NDC1: variants seen among roughly 807,000 people sequenced by gnomAD.
NDC1 encodes nucleoporin NDC1.
Under a neutral mutation model 89.8 loss-of-function variants are expected in NDC1, and 24 were observed. The observed-to-expected ratio is 0.27, with a 90% confidence interval of 0.19 to 0.38. The LOEUF is 0.38. Among genes scored for constraint, NDC1 ranks in the 10% least tolerant of loss-of-function variants. NDC1 has a pLI of 1.00. For synonymous variants in NDC1, 296 were observed against 284.8 expected (o/e 1.04, Z -0.39); for missense variants, 728 against 797.6 (o/e 0.91, Z 1.05).
At position 53,772,483 on chromosome 1, in the gene NDC1, C is replaced by T. The variant is rs1207224755; in HGVS notation, c.1807G>A (p.Asp603Asn). 4 of 1,612,318 alleles carry T rather than the reference C, an allele frequency of 2.5e-6. No individual in the cohort carries two copies. Among genetic ancestry groups the T allele is most frequent in the South Asian group, 2.2e-5 (2 of 90,822 alleles). ...GCATGAGGAAGCTTAAAGTACTTGTCGACTGCCTACACCAAGAAAGAAAAC... is the reference window on the plus strand; with the variant it reads ...GCATGAGGAAGCTTAAAGTACTTGTTGACTGCCTACACCAAGAAAGAAAAC... ...NTLLTLQEAV[D>N]KYFKLPHASS... The change falls in exon 17 of 18, where the codon GAC (aspartate) becomes AAC (asparagine). Residue 603 changes from aspartate to asparagine, a missense_variant. Coordinates refer to ENST00000371429, the MANE Select transcript of NDC1 (RefSeq NM_018087.5).
chr1:53,789,875 G>A (rs1647429375), intron 14 of NDC1, among the ~76,000 whole-genome samples: 1 of 151,638 alleles, frequency 6.6e-6, no homozygotes, highest in African/African-American at 2.4e-5. Context: ...AGGCCGAGGT[G>A]GGTAGATCAT....
chr1:53,826,122 G>A (rs1177305793), intron 4 of NDC1, among the ~76,000 whole-genome samples, 186 bp from the exon 5 acceptor site: 1 of 152,164 alleles, frequency 6.6e-6, no homozygotes, highest in Non-Finnish European at 1.5e-5. Context: ...CCTGAATCAT[G>A]AGACTCTGAT....
intron 1 of NDC1, among the ~76,000 whole-genome samples, chr1:53,837,211 G>C (rs1416639653): frequency 6.6e-6 from 1 of 152,168 alleles, no homozygotes; most frequent in Non-Finnish European, 1.5e-5. Flanking sequence ...AGGAGGACTA[G>C]TTGAGCCCAG....
At chr1:53,793,395 T>A (rs1647585613) in intron 13 of NDC1, 116 bp from the exon 14 acceptor site, 1 of 798,990 alleles carries the variant, frequency 1.3e-6, no homozygotes, top group Admixed American at 2.2e-5. Flanking sequence ...ACACTTCACA[T>A]CTTGTGGGCA....
chr1:53,786,525 T>C (rs1181183), intron 16 of NDC1, among the ~76,000 whole-genome samples: 36,922 of 152,176 alleles, frequency 0.24, 5,212 homozygotes, highest in African/African-American at 0.39. Flanking sequence ...AGGTCACTTT[T>C]GGTAGCTACA....
chr1:53,805,430 T>C (rs1648068458), intron 9 of NDC1, among the ~76,000 whole-genome samples: 5 of 152,214 alleles, frequency 3.3e-5, no homozygotes, highest in Admixed American at 3.3e-4. Flanking sequence ...GGTCTTGAAC[T>C]CCTGGGCTCA....
chr1:53,783,428 G>A (rs1432818897), intron 16 of NDC1, among the ~76,000 whole-genome samples: 1 of 152,178 alleles, frequency 6.6e-6, no homozygotes, highest in African/African-American at 2.4e-5. Context: ...GAGAAGCTAA[G>A]TATCAGGTCA....
At chr1:53,819,833 A>G (rs911063416) in intron 5 of NDC1, among the ~76,000 whole-genome samples, 14 of 152,318 alleles carry the variant, frequency 9.2e-5, no homozygotes, top group African/African-American at 3.4e-4. Context: ...GGGAACCTGA[A>G]AATTCTAATG....
At chr1:53,782,176 A>G (rs1466146207) in intron 16 of NDC1, among the ~76,000 whole-genome samples, 1 of 152,124 alleles carries the variant, frequency 6.6e-6, no homozygotes, top group Admixed American at 6.5e-5. Flanking sequence ...AAAATAAGAT[A>G]TATTTGGTGG....
At chr1:53,818,931 G>C (rs1213081183) in intron 6 of NDC1, 40 bp downstream of exon 6, 2 of 894,588 alleles carry the variant, frequency 2.2e-6, no homozygotes, top group African/African-American at 1.7e-5. Flanking sequence ...TCTGGGCTAT[G>C]AGATAATATA....
chr1:53,794,337 G>C (rs1647623498), intron 13 of NDC1, among the ~76,000 whole-genome samples: 1 of 152,140 alleles, frequency 6.6e-6, no homozygotes, highest in African/African-American at 2.4e-5. Context: ...TCAGCTAAAA[G>C]CTAACCCAAC....
intron 9 of NDC1, among the ~76,000 whole-genome samples, chr1:53,805,906 C>T (rs12723489): frequency 1.3e-5 from 2 of 152,084 alleles, no homozygotes; most frequent in African/African-American, 4.8e-5. Context: ...AACCCCGTCT[C>T]TACTAAAAAT....
chr1:53,788,412 C>T (rs957309850), intron 15 of NDC1, among the ~76,000 whole-genome samples: 11 of 151,742 alleles, frequency 7.2e-5, no homozygotes, highest in African/African-American at 2.4e-4. Flanking sequence ...CCTAGATAAC[C>T]TCGTCCCTAC....
chr1:53,825,321 CA>C (rs1158460637), intron 5 of NDC1, among the ~76,000 whole-genome samples: 1 of 151,714 alleles, frequency 6.6e-6, no homozygotes, highest in Non-Finnish European at 1.5e-5. Flanking sequence ...ACTAAAAACA[CA>C]AAAATGAACT....
At chr1:53,831,023 C>T (rs1174809451) in intron 3 of NDC1, among the ~76,000 whole-genome samples, 4 of 152,084 alleles carry the variant, frequency 2.6e-5, no homozygotes, top group Non-Finnish European at 4.4e-5. Flanking sequence ...AGATTGAGAC[C>T]ATCCTGGCTA....
chr1:53,836,338 A>C (rs1649230563), intron 1 of NDC1, among the ~76,000 whole-genome samples: 1 of 151,820 alleles, frequency 6.6e-6, no homozygotes, highest in South Asian at 2.1e-4. Context: ...ACTTGAGGCC[A>C]GGAGTTTGAG....
At chr1:53,802,500 CA>C (rs975280108) in intron 10 of NDC1, among the ~76,000 whole-genome samples, 1 of 152,078 alleles carries the variant, frequency 6.6e-6, no homozygotes, top group African/African-American at 2.4e-5. Context: ...GACCCTGTTT[CA>C]ACAAAAATTT....
chr1:53,798,518 T>C (rs960591235), intron 11 of NDC1, among the ~76,000 whole-genome samples: 1 of 150,006 alleles, frequency 6.7e-6, no homozygotes, highest in Non-Finnish European at 1.5e-5. Context: ...AAATTAAACA[T>C]CCCAAGTACC....
chr1:53,796,386 G>A (rs1317348732), intron 13 of NDC1, among the ~76,000 whole-genome samples: 1 of 151,898 alleles, frequency 6.6e-6, no homozygotes, highest in East Asian at 1.9e-4. Context: ...CCCCTCACTC[G>A]AATGTAAATA....
Sources: allele counts gnomAD v4.1 joint callset (sites outside exome capture counted in the v4.1 genomes callset), GRCh38; gene constraint gnomAD v4.1.1; transcripts MANE v1.5; gene names NCBI Gene and HGNC (gene_info 2026-07-23, HGNC 2026-07-21).